The following SEMA3D variants were observed in gnomAD, a reference collection of about 807,000 sequenced individuals.
The protein encoded by SEMA3D is semaphorin 3D.
Under a neutral mutation model 100.1 loss-of-function variants are expected in SEMA3D, and 84 were observed. The ratio of observed to expected loss-of-function variants is 0.84; its 90% confidence interval spans 0.70 to 1.01. The LOEUF (loss-of-function observed/expected upper bound fraction) is 1.01. Among genes scored for constraint, SEMA3D ranks in the 50% least tolerant of loss-of-function variants. The pLI is 0.00. For missense variants in SEMA3D, 875 were observed against 934.1 expected, an observed-to-expected ratio of 0.94 and a Z score of 0.82; for synonymous variants, 312 against 320.7, an observed-to-expected ratio of 0.97 and a Z score of 0.29.
At chr7:85,019,549 T>C (rs752297282) in intron 14 of SEMA3D, among the ~76,000 whole-genome samples, 18 of 151,774 alleles carry the variant, frequency 1.2e-4, no homozygotes, top group Non-Finnish European at 1.8e-4. Flanking sequence ...ATAAACTGTC[T>C]CAATAAAAAT....
intron 11 of SEMA3D, among the ~76,000 whole-genome samples, chr7:85,039,415 A>C (rs1790792699): frequency 6.6e-6 from 1 of 151,912 alleles, no homozygotes; most frequent in Admixed American, 6.6e-5. Flanking sequence ...CCGCAACCAC[A>C]CCTGGCTAAT....
At position 85,119,202 on chromosome 7, in the gene SEMA3D, T is replaced by G. The variant is rs148416980; in HGVS notation, c.151+2539A>C. Among the ~76,000 whole-genome samples the G allele has an allele frequency of 8.4e-4, 128 of 152,332 alleles. 1 individual carries two copies. The highest frequency in any genetic ancestry group is 3.0e-3 in the African/African-American group (123 of 41,578). On this transcript the variant is annotated intron_variant, in intron 3 of 18. Transcript: ENST00000284136. ...TTAGTTTAACCATTGTGGAAGACAG[T>G]GTGGCAATTTCTCAAAGATCTAAAG... is the stretch of plus-strand genomic sequence containing the variant.
At chr7:85,009,371 T>C (rs1247758996) in intron 17 of SEMA3D, among the ~76,000 whole-genome samples, 1 of 151,688 alleles carries the variant, frequency 6.6e-6, no homozygotes, top group Non-Finnish European at 1.5e-5. Context: ...AAAGCAATAA[T>C]GAAAGAAAAT....
intron 2 of SEMA3D, among the ~76,000 whole-genome samples, chr7:85,123,142 TCAACA>T: frequency 6.6e-6 from 1 of 152,256 alleles, no homozygotes; most frequent in South Asian, 2.1e-4. Flanking sequence ...ATGGATCAAA[TCAACA>T]CATCATCAGG....
intron 2 of SEMA3D, chr7:85,144,616 T>G: frequency 1.0e-6 from 1 of 984,224 alleles, no homozygotes; most frequent in Non-Finnish European, 1.2e-6. Context: ...TTTATACACA[T>G]ATATACATTT....
the SEMA3D span, among the ~76,000 whole-genome samples, chr7:85,220,611 G>C: frequency 6.6e-6 from 1 of 152,140 alleles, no homozygotes; most frequent in African/African-American, 2.4e-5. Flanking sequence ...TAGCTTTCTA[G>C]TGTGTAAAGT....
At chr7:85,197,159 T>A in the SEMA3D span, among the ~76,000 whole-genome samples, 1 of 152,202 alleles carries the variant, frequency 6.6e-6, no homozygotes, top group Admixed American at 6.5e-5. Flanking sequence ...AGCTGTCCTT[T>A]GTGGGGGAAA....
At chr7:85,008,134 T>C (rs991882491) in intron 17 of SEMA3D, among the ~76,000 whole-genome samples, 4 of 151,760 alleles carry the variant, frequency 2.6e-5, no homozygotes, top group African/African-American at 7.2e-5. Context: ...GTGCCAGTCA[T>C]GGAAAAGAAA....
chr7:85,232,027 A>G, the SEMA3D span, among the ~76,000 whole-genome samples: 23 of 152,326 alleles, frequency 1.5e-4, no homozygotes, highest in Non-Finnish European at 3.2e-4. Context: ...CACCCACTCT[A>G]TTTAATGGAC....
the SEMA3D span, among the ~76,000 whole-genome samples, chr7:85,223,527 A>T: frequency 6.6e-6 from 1 of 151,722 alleles, no homozygotes; most frequent in Non-Finnish European, 1.5e-5. Context: ...ATATATATAT[A>T]TATCATATAT....
At chr7:85,222,869 C>T in the SEMA3D span, among the ~76,000 whole-genome samples, 1 of 152,154 alleles carries the variant, frequency 6.6e-6, no homozygotes, top group South Asian at 2.1e-4. Flanking sequence ...TTAAGTGTCA[C>T]ACAGAGTGGG....
intron 2 of SEMA3D, among the ~76,000 whole-genome samples, chr7:85,129,127 G>T (rs1220412232): frequency 6.6e-6 from 1 of 151,834 alleles, no homozygotes; most frequent in Non-Finnish European, 1.5e-5. Context: ...CTGGCCTCAA[G>T]TGATCATCCT....
At chr7:85,105,362 G>T (rs1373764520) in intron 3 of SEMA3D, among the ~76,000 whole-genome samples, 1 of 151,948 alleles carries the variant, frequency 6.6e-6, no homozygotes, top group Non-Finnish European at 1.5e-5. Context: ...TTAACATTGG[G>T]AAAATTAGCT....
intron 11 of SEMA3D, among the ~76,000 whole-genome samples, 163 bp from the exon 12 acceptor site, chr7:85,037,196 C>T (rs892082221): frequency 6.6e-6 from 1 of 152,142 alleles, no homozygotes; most frequent in African/African-American, 2.4e-5. Context: ...TGGCTTACAG[C>T]CAAGCAATTC....
At position 85,022,536 on chromosome 7, in the gene SEMA3D, C is replaced by T; in HGVS notation, c.1269G>A (p.Arg423=). The part of the protein sequence containing the change: ...FPDDVISFIK[R]HSVMYKSVYP... ...ATACGGACTTATACATCACAGAGTG[C>T]CGCTTTATGAAACTGATGACATCAT... The change falls in exon 13 of 19, where the codon CGG becomes CGA. Residue 423 remains arginine, a synonymous_variant. Transcript: ENST00000284136. 2 of 1,612,388 alleles carry T rather than the reference C, an allele frequency of 1.2e-6. No homozygotes were observed. The highest frequency in any genetic ancestry group is 2.2e-5 in the East Asian group (1 of 44,794).
At chr7:85,033,888 CACA>C (rs1310617339) in intron 12 of SEMA3D, among the ~76,000 whole-genome samples, 1 of 151,584 alleles carries the variant, frequency 6.6e-6, no homozygotes, top group African/African-American at 2.4e-5. Context: ...CACACACACA[CACA>C]CAATCTCCCA....
chr7:85,055,900 C>T (rs1324731681), intron 8 of SEMA3D, 41 bp from the exon 9 acceptor site: 3 of 1,128,784 alleles, frequency 2.7e-6, no homozygotes, highest in Non-Finnish European at 3.8e-6. Flanking sequence ...GATACTGAAA[C>T]AATCCAGTCA....
chr7:85,124,475 A>G (rs1470446271), intron 2 of SEMA3D, among the ~76,000 whole-genome samples: 1 of 151,942 alleles, frequency 6.6e-6, no homozygotes, highest in Non-Finnish European at 1.5e-5. Flanking sequence ...AAGGTGAGGA[A>G]ATGAATAAGA....
At chr7:85,106,939 G>T (rs1010347363) in intron 3 of SEMA3D, among the ~76,000 whole-genome samples, 1 of 152,018 alleles carries the variant, frequency 6.6e-6, no homozygotes, top group East Asian at 1.9e-4. Context: ...CACAGGACAC[G>T]TGGGGATTAC....
Sources: allele counts gnomAD v4.1 joint callset (sites outside exome capture counted in the v4.1 genomes callset), GRCh38; gene constraint gnomAD v4.1.1; transcripts MANE v1.5; gene names NCBI Gene and HGNC (gene_info 2026-07-23, HGNC 2026-07-21).